DLGAP2: variants seen among roughly 807,000 people sequenced by gnomAD.
DLGAP2 encodes the protein disks large-associated protein 2.
In DLGAP2, 26 loss-of-function variants were observed where a neutral mutation model predicts 100.3. The ratio of observed to expected loss-of-function variants is 0.26; its 90% CI spans 0.19 to 0.36. The LOEUF (loss-of-function observed/expected upper bound fraction) is 0.36. Ranked by LOEUF, DLGAP2 falls within the 10% of genes least tolerant of loss-of-function variation. The probability of loss-of-function intolerance (pLI) is 1.00; values close to 1 mark genes in which losing one functional copy is unlikely to be tolerated. For synonymous variants in DLGAP2, 886 were observed against 630.1 expected (o/e 1.41, Z -6.08); for missense variants, 1,858 against 1,453.2 (o/e 1.28, Z -4.53).
At chr8:1,508,220 C>T (rs1407214239) in intron 4 of DLGAP2, among the ~76,000 whole-genome samples, 2 of 151,560 alleles carry the variant, frequency 1.3e-5, no homozygotes, top group Admixed American at 6.6e-5. Flanking sequence ...CTAAACATCA[C>T]GCGTCCCATT....
intron 2 of DLGAP2, among the ~76,000 whole-genome samples, chr8:1,240,641 T>G (rs1798767742): frequency 6.6e-6 from 1 of 151,070 alleles, no homozygotes; most frequent in Non-Finnish European, 1.5e-5. Context: ...CACGTCTAGT[T>G]CTCTCTCACA....
At chr8:1,502,072 C>A (rs1799741276) in intron 4 of DLGAP2, among the ~76,000 whole-genome samples, 1 of 152,238 alleles carries the variant, frequency 6.6e-6, no homozygotes, top group African/African-American at 2.4e-5. Context: ...ATACATCTGA[C>A]ATCAAACTGT....
At chr8:1,512,237 C>G (rs1800191123) in intron 4 of DLGAP2, among the ~76,000 whole-genome samples, 1 of 152,186 alleles carries the variant, frequency 6.6e-6, no homozygotes, top group Admixed American at 6.5e-5. Context: ...AATGTGTGCT[C>G]CTCCCCATAA....
intron 3 of DLGAP2, among the ~76,000 whole-genome samples, chr8:1,328,388 G>A (rs1801071115): frequency 6.6e-6 from 1 of 151,270 alleles, no homozygotes; most frequent in Non-Finnish European, 1.5e-5. Context: ...GCATAGTCTT[G>A]GCTCACTGCA....
chr8:1,460,284 A>T (rs562483898), intron 3 of DLGAP2, among the ~76,000 whole-genome samples: 2 of 152,268 alleles, frequency 1.3e-5, no homozygotes, highest in East Asian at 3.9e-4. Context: ...TTATGATCGA[A>T]CTTGTGTCTT....
At chr8:1,026,834 T>C (rs548393872) in intron 2 of DLGAP2, among the ~76,000 whole-genome samples, 2 of 152,364 alleles carry the variant, frequency 1.3e-5, no homozygotes, top group African/African-American at 4.8e-5. Context: ...TAACGACTTA[T>C]ATGATATTCT....
intron 4 of DLGAP2, among the ~76,000 whole-genome samples, chr8:1,520,365 G>A (rs914998162): frequency 3.9e-5 from 6 of 152,210 alleles, no homozygotes; most frequent in East Asian, 3.9e-4. Context: ...GTGGTTTCCC[G>A]TGTTCTTCAC....
chr8:1,508,803 CCGGGGAAGA>C (rs1363577993), intron 4 of DLGAP2, among the ~76,000 whole-genome samples: 3 of 151,558 alleles, frequency 2.0e-5, no homozygotes, highest in Admixed American at 6.6e-5. Context: ...GACTAAGCGC[CCGGGGAAGA>C]CGGGGAAGAC....
At chr8:920,534 T>C (rs969531189) in intron 2 of DLGAP2, among the ~76,000 whole-genome samples, 3 of 152,180 alleles carry the variant, frequency 2.0e-5, no homozygotes, top group African/African-American at 7.2e-5. Context: ...GGTGAGTGGA[T>C]TGCTTGAGCT....
intron 3 of DLGAP2, among the ~76,000 whole-genome samples, chr8:1,413,739 T>G (rs953365309): frequency 6.6e-6 from 1 of 152,230 alleles, no homozygotes; most frequent in Non-Finnish European, 1.5e-5. Flanking sequence ...ATGTAGCTCT[T>G]CTGCAGGTGC....
intron 2 of DLGAP2, among the ~76,000 whole-genome samples, chr8:1,040,128 G>A (rs1288357764): frequency 7.1e-6 from 1 of 141,046 alleles, no homozygotes; most frequent in Middle Eastern, 4.2e-3. Flanking sequence ...GGCTCGGTGT[G>A]CGTGGTCAGC....
At chr8:972,058 C>A (rs1800027903) in intron 2 of DLGAP2, among the ~76,000 whole-genome samples, 1 of 152,156 alleles carries the variant, frequency 6.6e-6, no homozygotes, top group South Asian at 2.1e-4. Flanking sequence ...TTTAAGAAGT[C>A]ATCTTGGGGA....
intron 3 of DLGAP2, among the ~76,000 whole-genome samples, chr8:1,351,896 C>T (rs1486467976): frequency 4.7e-5 from 4 of 84,430 alleles, no homozygotes; most frequent in African/African-American, 1.2e-4. Context: ...AAAGGCCGTG[C>T]GGGTCCTGAC....
At chr8:886,212 C>T (rs7008278) in intron 1 of DLGAP2, among the ~76,000 whole-genome samples, 2 of 151,828 alleles carry the variant, frequency 1.3e-5, no homozygotes, top group Non-Finnish European at 2.9e-5. Context: ...ATTCTCTGAT[C>T]GTAGTTTGTA....
At chr8:1,005,468 G>A (rs888713748) in intron 2 of DLGAP2, among the ~76,000 whole-genome samples, 1 of 148,904 alleles carries the variant, frequency 6.7e-6, no homozygotes, top group African/African-American at 2.5e-5. Context: ...GAGTGCAGTG[G>A]TGCAGTGACA....
At chr8:1,300,457 GC>G (rs1411916561) in intron 3 of DLGAP2, 1 of 152,230 alleles carries the variant, frequency 6.6e-6, no homozygotes, top group Non-Finnish European at 1.5e-5. Flanking sequence ...ATGCCATCTT[GC>G]CTCTGTGAAG....
chr8:1,209,188 A>T (rs1585154343), intron 2 of DLGAP2, among the ~76,000 whole-genome samples: 3 of 152,324 alleles, frequency 2.0e-5, no homozygotes, highest in Non-Finnish European at 4.4e-5. Flanking sequence ...GAGCCTGCAT[A>T]GCCAAAGCAA....
intron 2 of DLGAP2, among the ~76,000 whole-genome samples, chr8:1,094,372 G>A (rs1006025261): frequency 1.3e-5 from 2 of 152,246 alleles, no homozygotes; most frequent in African/African-American, 4.8e-5. Flanking sequence ...TGGGTCCACG[G>A]TGAAGTGCAG....
chr8:1,321,267 T>C (rs1395159092), intron 3 of DLGAP2, among the ~76,000 whole-genome samples: 1 of 151,702 alleles, frequency 6.6e-6, no homozygotes, highest in Non-Finnish European at 1.5e-5. Context: ...CTGTGCCATG[T>C]GCGTGTGCGT....
Sources: allele counts gnomAD v4.1 joint callset (sites outside exome capture counted in the v4.1 genomes callset), GRCh38; gene constraint gnomAD v4.1.1; transcripts MANE v1.5; gene names NCBI Gene and HGNC (gene_info 2026-07-23, HGNC 2026-07-21).